Variants in KSR2 observed in about 807,000 individuals in gnomAD.
KSR2 encodes the protein kinase suppressor of ras 2.
A neutral mutation model predicts 107.8 loss-of-function variants in KSR2; 25 were observed. That is an observed-to-expected ratio of 0.23 (90% CI 0.17 to 0.32). KSR2 has a LOEUF of 0.32. Among genes scored for constraint, KSR2 ranks in the 10% least tolerant of loss-of-function variants. The pLI is 1.00. For missense variants in KSR2, 887 were observed against 1,268.9 expected (o/e 0.70, Z 4.57); for synonymous variants, 480 against 507.0 (o/e 0.95, Z 0.71).
intron 1 of KSR2, among the ~76,000 whole-genome samples, chr12:117,869,633 C>T (rs1389482450): frequency 6.6e-6 from 1 of 152,148 alleles, no homozygotes; most frequent in Admixed American, 6.6e-5. Flanking sequence ...CTTTTGTGCA[C>T]TTGCTTTTTT....
intron 1 of KSR2, among the ~76,000 whole-genome samples, chr12:117,868,500 C>T (rs924830106): frequency 6.6e-6 from 1 of 151,892 alleles, no homozygotes; most frequent in South Asian, 2.1e-4. Flanking sequence ...TGTGCCAGGC[C>T]CATGCTGAAG....
At chr12:117,546,466 T>C (rs1876875664) in intron 9 of KSR2, among the ~76,000 whole-genome samples, 1 of 152,234 alleles carries the variant, frequency 6.6e-6, no homozygotes, top group Middle Eastern at 3.2e-3. Flanking sequence ...TTGACCTTCT[T>C]TGACGTTTTC....
chr12:117,477,187 T>C (rs1463668315), intron 16 of KSR2, among the ~76,000 whole-genome samples: 1 of 152,124 alleles, frequency 6.6e-6, no homozygotes, highest in Non-Finnish European at 1.5e-5. Flanking sequence ...TCAACCTCCA[T>C]CCTCAAGGCT....
intron 4 of KSR2, among the ~76,000 whole-genome samples, chr12:117,711,066 C>A (rs1331071511): frequency 6.6e-6 from 1 of 152,186 alleles, no homozygotes; most frequent in Non-Finnish European, 1.5e-5. Flanking sequence ...TTTCTCATTG[C>A]ACTCTACATT....
rs114275528 is a variant in KSR2 at position 117,585,888 on chromosome 12, G to A, written c.1172-3529C>T. Among the ~76,000 whole-genome samples the A allele has an allele frequency of 3.9e-3, 591 of 152,286 alleles. 2 individuals are homozygous for A. Among genetic ancestry groups the A allele is most frequent in the African/African-American group, 0.012 (496 of 41,560 alleles). On this transcript the variant is annotated intron_variant, in intron 5 of 19. Coordinates refer to ENST00000339824, the MANE Select transcript of KSR2 (RefSeq NM_173598.6). The stretch of plus-strand genomic sequence containing the variant: ...GGAGTAGAATAATAGACATTTCTCC[G>A]TAGATATTTTCATTTCTAGTGCATA...
At chr12:117,888,728 C>T (rs143677782) in intron 1 of KSR2, among the ~76,000 whole-genome samples, 6 of 152,234 alleles carry the variant, frequency 3.9e-5, no homozygotes, top group African/African-American at 9.6e-5. Context: ...GCCTCCAGAA[C>T]GGTAAGAAGT....
At chr12:117,616,026 C>T (rs548935281) in intron 5 of KSR2, among the ~76,000 whole-genome samples, 9 of 152,000 alleles carry the variant, frequency 5.9e-5, no homozygotes, top group East Asian at 3.9e-4. Flanking sequence ...TGGTGGCACA[C>T]GCCCATAGTC....
intron 3 of KSR2, among the ~76,000 whole-genome samples, chr12:117,818,375 G>A (rs558265881): frequency 1.3e-5 from 2 of 152,244 alleles, no homozygotes; most frequent in South Asian, 2.1e-4. Context: ...GGCACGTTGT[G>A]TGCCCTAGGG....
chr12:117,704,021 G>A (rs1186064674), intron 4 of KSR2, among the ~76,000 whole-genome samples: 2 of 152,112 alleles, frequency 1.3e-5, no homozygotes, highest in African/African-American at 4.8e-5. Flanking sequence ...TTATTTTCAG[G>A]GCATTATTTG....
intron 1 of KSR2, among the ~76,000 whole-genome samples, chr12:117,942,722 A>T (rs1298078778): frequency 6.7e-6 from 1 of 150,050 alleles, no homozygotes; most frequent in Non-Finnish European, 1.5e-5. Flanking sequence ...TTGGTCTCGA[A>T]CTCCTGGGCT....
At chr12:117,469,584 A>G (rs1871319969) in intron 19 of KSR2, 78 bp downstream of exon 19, 1 of 1,528,736 alleles carries the variant, frequency 6.5e-7, no homozygotes, top group Non-Finnish European at 8.9e-7. Flanking sequence ...GGAGTAAAAA[A>G]GATGCAGAGG....
chr12:117,530,915 G>C (rs776524347), intron 12 of KSR2, 26 bp downstream of exon 12: 8 of 1,605,758 alleles, frequency 5.0e-6, no homozygotes, highest in Non-Finnish European at 6.8e-6. Context: ...CTTGGGAAAG[G>C]GGGAAGATGT....
chr12:117,731,639 T>C (rs1255236886), intron 4 of KSR2, among the ~76,000 whole-genome samples: 1 of 152,126 alleles, frequency 6.6e-6, no homozygotes, highest in African/African-American at 2.4e-5. Flanking sequence ...ACTGTTACTG[T>C]GTCTGTGTGG....
At chr12:117,792,507 G>A (rs998962739) in intron 3 of KSR2, among the ~76,000 whole-genome samples, 2 of 152,156 alleles carry the variant, frequency 1.3e-5, no homozygotes, top group African/African-American at 4.8e-5. Flanking sequence ...GAGGATTCTC[G>A]CAAAATTACA....
chr12:117,556,615 C>T (rs1877713463), intron 8 of KSR2, among the ~76,000 whole-genome samples: 1 of 152,116 alleles, frequency 6.6e-6, no homozygotes, highest in South Asian at 2.1e-4. Context: ...AGCAGTCTGC[C>T]TCCTTCTTTA....
At chr12:117,706,193 G>A (rs1173583230) in intron 4 of KSR2, among the ~76,000 whole-genome samples, 2 of 151,658 alleles carry the variant, frequency 1.3e-5, no homozygotes, top group Non-Finnish European at 2.9e-5. Flanking sequence ...ACAGGTGCAT[G>A]CCACCACACC....
At chr12:117,898,755 AG>A (rs1216099714) in intron 1 of KSR2, among the ~76,000 whole-genome samples, 2 of 152,332 alleles carry the variant, frequency 1.3e-5, no homozygotes, top group Admixed American at 6.5e-5. Flanking sequence ...CAAAAAAAAA[AG>A]AATGAGATCC....
At chr12:117,555,055 C>T in intron 9 of KSR2, 114 bp downstream of exon 9, 1 of 1,276,810 alleles carries the variant, frequency 7.8e-7, no homozygotes, top group Non-Finnish European at 1.1e-6. Flanking sequence ...ATTAGGGGAG[C>T]CGAGACGGGC....
intron 3 of KSR2, among the ~76,000 whole-genome samples, chr12:117,851,401 C>A (rs981006834): frequency 5.9e-5 from 9 of 152,264 alleles, no homozygotes; most frequent in African/African-American, 2.2e-4. Flanking sequence ...CCAAACTGGG[C>A]AATGACAAGG....
Sources: allele counts gnomAD v4.1 joint callset (sites outside exome capture counted in the v4.1 genomes callset), GRCh38; gene constraint gnomAD v4.1.1; transcripts MANE v1.5; gene names NCBI Gene and HGNC (gene_info 2026-07-23, HGNC 2026-07-21).